The following NAV3 variants were observed in gnomAD, a reference collection of about 807,000 sequenced individuals.
NAV3 encodes the protein pore membrane and/or filament interacting like protein 1.
A neutral mutation model predicts 244.7 loss-of-function variants in NAV3; 87 were observed. That is an observed-to-expected ratio of 0.36 (90% CI 0.30 to 0.42). The LOEUF is 0.42. NAV3 is among the 20% of genes least tolerant of loss of function. The pLI is 1.00. For synonymous variants in NAV3, 1,126 were observed against 1,042.2 expected (o/e 1.08, Z -1.55); for missense variants, 2,663 against 2,893.3 (o/e 0.92, Z 1.83).
At chr12:77,730,718 T>C (rs1397137460) in intron 2 of NAV3, among the ~76,000 whole-genome samples, 1 of 150,662 alleles carries the variant, frequency 6.6e-6, no homozygotes, top group South Asian at 2.1e-4. Context: ...TCTGAATTAC[T>C]AAGTTTCCAG....
chr12:78,093,918 C>T (rs1470152746), intron 12 of NAV3, among the ~76,000 whole-genome samples: 1 of 152,094 alleles, frequency 6.6e-6, no homozygotes, highest in African/African-American at 2.4e-5. Context: ...TAGTTCAGTG[C>T]AGCCTCAAAC....
chr12:77,640,883 T>C (rs1334083300), intron 2 of NAV3, among the ~76,000 whole-genome samples: 2 of 152,132 alleles, frequency 1.3e-5, no homozygotes, highest in Non-Finnish European at 1.5e-5. Context: ...CATGCAATTT[T>C]TGTTAAAAGC....
At chr12:77,769,820 C>T (rs1592665728) in intron 2 of NAV3, among the ~76,000 whole-genome samples, 1 of 152,074 alleles carries the variant, frequency 6.6e-6, no homozygotes, top group African/African-American at 2.4e-5. Context: ...TTTTAGTTAA[C>T]TAGGCAGTGA....
intron 16 of NAV3, 73 bp downstream of exon 16, chr12:78,122,501 A>G: frequency 6.7e-7 from 1 of 1,483,726 alleles, no homozygotes; most frequent in South Asian, 1.4e-5. Context: ...CACCCCATTA[A>G]ATTCCCTTGA....
intron 2 of NAV3, among the ~76,000 whole-genome samples, chr12:77,617,927 T>C (rs572922281): frequency 1.3e-5 from 2 of 152,332 alleles, no homozygotes; most frequent in African/African-American, 4.8e-5. Flanking sequence ...AACTATAATC[T>C]TGTGACAGTG....
chr12:77,690,435 C>T (rs1352083771), intron 2 of NAV3, among the ~76,000 whole-genome samples: 1 of 151,628 alleles, frequency 6.6e-6, no homozygotes, highest in East Asian at 1.9e-4. Flanking sequence ...TAGTTAAAGT[C>T]GTATTAATCA....
chr12:77,605,000 A>G (rs1870607047), intron 2 of NAV3, among the ~76,000 whole-genome samples: 1 of 152,118 alleles, frequency 6.6e-6, no homozygotes, highest in Non-Finnish European at 1.5e-5. Context: ...TAGTATTTAA[A>G]TCAAGCTTAA....
chr12:77,910,573 T>G (rs1047845692), intron 1 of NAV3, among the ~76,000 whole-genome samples: 1 of 152,088 alleles, frequency 6.6e-6, no homozygotes, highest in African/African-American at 2.4e-5. Context: ...TGCCTATGTC[T>G]AAGTTTAATT....
intron 1 of NAV3, among the ~76,000 whole-genome samples, chr12:77,865,690 A>G (rs374808245): frequency 8.5e-5 from 13 of 152,204 alleles, no homozygotes; most frequent in East Asian, 5.8e-4. Context: ...CAAAATTTCT[A>G]TATAACTCCC....
At chr12:78,172,907 CT>C (rs1593896229) in intron 24 of NAV3, among the ~76,000 whole-genome samples, 1 of 151,300 alleles carries the variant, frequency 6.6e-6, no homozygotes, top group East Asian at 1.9e-4. Flanking sequence ...TGAAGTTTGC[CT>C]TTTAAAAAAG....
At chr12:77,981,179 G>A (rs982112916) in intron 5 of NAV3, among the ~76,000 whole-genome samples, 2 of 152,062 alleles carry the variant, frequency 1.3e-5, no homozygotes, top group African/African-American at 4.8e-5. Context: ...CTTAGCAAAA[G>A]GAGAACGTAT....
At chr12:77,778,335 G>A (rs1051995550) in intron 2 of NAV3, among the ~76,000 whole-genome samples, 68 of 151,050 alleles carry the variant, frequency 4.5e-4, no homozygotes, top group East Asian at 3.9e-4. Flanking sequence ...TTTATAGGCC[G>A]GGCGCGGTGG....
intron 2 of NAV3, among the ~76,000 whole-genome samples, chr12:77,664,139 T>G (rs1486111694): frequency 2.0e-5 from 3 of 152,238 alleles, no homozygotes; most frequent in African/African-American, 7.2e-5. Flanking sequence ...GGTTTTGGCA[T>G]GTGCCAATGG....
chr12:78,158,128 T>C (rs1957384118), intron 22 of NAV3, among the ~76,000 whole-genome samples: 2 of 152,182 alleles, frequency 1.3e-5, no homozygotes, highest in South Asian at 4.1e-4. Flanking sequence ...CTGCTATAAG[T>C]ACATGGAGAT....
At chr12:77,599,553 A>G (rs1870325525) in intron 2 of NAV3, among the ~76,000 whole-genome samples, 1 of 151,880 alleles carries the variant, frequency 6.6e-6, no homozygotes. Context: ...GGTTTAAGAT[A>G]AAACAAAATT....
chr12:78,170,915 C>G (rs1957973338), intron 24 of NAV3, among the ~76,000 whole-genome samples: 1 of 151,660 alleles, frequency 6.6e-6, no homozygotes, highest in African/African-American at 2.4e-5. Flanking sequence ...TTACATTATA[C>G]TTTGGGGCTT....
intron 1 of NAV3, among the ~76,000 whole-genome samples, chr12:77,908,431 A>C (rs76746607): frequency 6.6e-6 from 1 of 152,070 alleles, no homozygotes; most frequent in Non-Finnish European, 1.5e-5. Flanking sequence ...CCAAATGGGC[A>C]TCACTTACCA....
intron 2 of NAV3, among the ~76,000 whole-genome samples, chr12:77,645,537 A>C (rs1241257122): frequency 1.0e-5 from 1 of 95,962 alleles, no homozygotes. Flanking sequence ...CTCTCTCTCT[A>C]AAAAAAAAAA....
chr12:77,693,238 C>A (rs11106295), intron 2 of NAV3, among the ~76,000 whole-genome samples: 3 of 151,968 alleles, frequency 2.0e-5, no homozygotes, highest in Non-Finnish European at 4.4e-5. Flanking sequence ...ATTTTTTGTT[C>A]TTGAGTGCTG....
Sources: gnomAD v4.1 joint callset for allele counts (sites outside exome capture counted in the v4.1 genomes callset) on GRCh38, gnomAD v4.1.1 for gene constraint, MANE v1.5 for transcripts, NCBI Gene and HGNC (gene_info 2026-07-23, HGNC 2026-07-21) for gene names.